NKAIN2: variants seen among roughly 807,000 people sequenced by gnomAD.
The protein encoded by NKAIN2 is sodium/potassium-transporting ATPase subunit beta-1-interacting protein 2.
In NKAIN2, 14 loss-of-function variants were observed where a neutral mutation model predicts 32.6. The ratio of observed to expected loss-of-function variants is 0.43; its 90% CI spans 0.28 to 0.67. The LOEUF (loss-of-function observed/expected upper bound fraction) is 0.67. Ranked by LOEUF, NKAIN2 falls within the 30% of genes least tolerant of loss-of-function variation. NKAIN2 has a pLI of 0.17. For synonymous variants in NKAIN2, 80 were observed against 87.2 expected (o/e 0.92, Z 0.46); for missense variants, 198 against 258.3 (o/e 0.77, Z 1.60).
In NKAIN2 at chr6:124,706,026, A is replaced by C. The variant is rs150097727; in HGVS notation, c.474+47640A>C. ...TGACAACAAAGAGAAGGTTATCATG[A>C]CTATGGCGACCTTGATGATCACAAT... On this transcript the variant is annotated intron_variant, in intron 4 of 6. Coordinates refer to ENST00000368417, the MANE Select transcript of NKAIN2 (RefSeq NM_001040214.3). Among the ~76,000 whole-genome samples the C allele has an allele frequency of 1.7e-4, 26 of 152,190 alleles. No homozygotes were observed. The East Asian group carries it at 4.5e-3, about 26-fold the overall frequency.
chr6:123,959,034 T>C (rs1275673084), intron 1 of NKAIN2, among the ~76,000 whole-genome samples: 1 of 152,166 alleles, frequency 6.6e-6, no homozygotes, highest in Non-Finnish European at 1.5e-5. Context: ...ATTCAAGTTA[T>C]CAGTGTGAGT....
chr6:124,348,354 C>T (rs1394731280), intron 2 of NKAIN2, among the ~76,000 whole-genome samples: 1 of 152,200 alleles, frequency 6.6e-6, no homozygotes, highest in Admixed American at 6.5e-5. Context: ...AACCACTGCT[C>T]TCCTCAAAGC....
At chr6:123,890,005 A>G (rs565674601) in intron 1 of NKAIN2, among the ~76,000 whole-genome samples, 1 of 152,238 alleles carries the variant, frequency 6.6e-6, no homozygotes, top group Admixed American at 6.5e-5. Flanking sequence ...GCATGTGTTC[A>G]GTGAGAAGAA....
At chr6:124,114,092 A>C (rs1310973004) in intron 1 of NKAIN2, among the ~76,000 whole-genome samples, 2 of 152,068 alleles carry the variant, frequency 1.3e-5, no homozygotes, top group Non-Finnish European at 2.9e-5. Flanking sequence ...AAAATGTTTG[A>C]TTTTCAGTCT....
chr6:124,569,244 T>C (rs1781034728), intron 3 of NKAIN2, among the ~76,000 whole-genome samples: 1 of 152,206 alleles, frequency 6.6e-6, no homozygotes, highest in African/African-American at 2.4e-5. Flanking sequence ...TAAAATATCC[T>C]CCTGTTTTAT....
chr6:124,306,921 C>T (rs755572162), intron 2 of NKAIN2, among the ~76,000 whole-genome samples: 25 of 152,180 alleles, frequency 1.6e-4, no homozygotes, highest in Middle Eastern at 3.4e-3. Flanking sequence ...ATTAAGAAAA[C>T]GAGCTTAAAT....
chr6:124,084,641 C>T (rs1407095456), intron 1 of NKAIN2, among the ~76,000 whole-genome samples: 2 of 151,844 alleles, frequency 1.3e-5, no homozygotes, highest in Non-Finnish European at 2.9e-5. Flanking sequence ...TCACTTTATC[C>T]AGGAAAGTCC....
chr6:124,657,648 G>C (rs757051275), intron 3 of NKAIN2, among the ~76,000 whole-genome samples: 1 of 151,986 alleles, frequency 6.6e-6, no homozygotes, highest in Non-Finnish European at 1.5e-5. Flanking sequence ...CCAAATAACA[G>C]GAAGAGGGGG....
At chr6:123,932,536 C>T (rs1215977006) in intron 1 of NKAIN2, among the ~76,000 whole-genome samples, 2 of 151,646 alleles carry the variant, frequency 1.3e-5, no homozygotes, top group Non-Finnish European at 2.9e-5. Flanking sequence ...CCTGCCTCAG[C>T]CTCCTGAGTA....
At position 124,649,471 on chromosome 6, in the gene NKAIN2, T is replaced by C. The variant is rs1055453196; in HGVS notation, c.274-8715T>C. Among the ~76,000 whole-genome samples, 4 of 152,182 alleles carry C rather than the reference T, an allele frequency of 2.6e-5. No individual in the cohort carries two copies. In the South Asian group the frequency reaches 8.3e-4, roughly 32 times the overall value. On this transcript the variant is annotated intron_variant, in intron 3 of 6. Transcript: ENST00000368417. ...TATTAAAAAATTGAATCAGCAATTA[T>C]TAACTTTTTAAAGCAGAAAGCACCA...
chr6:124,172,535 C>T (rs1582788613), intron 1 of NKAIN2, among the ~76,000 whole-genome samples: 1 of 151,944 alleles, frequency 6.6e-6, no homozygotes. Context: ...ATATTGACTG[C>T]AATGATATCA....
intron 1 of NKAIN2, among the ~76,000 whole-genome samples, chr6:124,254,843 A>G (rs1267091054): frequency 1.3e-5 from 2 of 152,330 alleles, no homozygotes; most frequent in East Asian, 3.9e-4. Context: ...ATAACCTAAC[A>G]TATGCTTCAT....
At chr6:124,059,101 A>G (rs1364182905) in intron 1 of NKAIN2, among the ~76,000 whole-genome samples, 1 of 152,134 alleles carries the variant, frequency 6.6e-6, no homozygotes, top group Non-Finnish European at 1.5e-5. Flanking sequence ...TGGTAAAAAA[A>G]AAACTGACAA....
At chr6:123,837,832 T>G (rs1353260071) in intron 1 of NKAIN2, among the ~76,000 whole-genome samples, 1 of 152,200 alleles carries the variant, frequency 6.6e-6, no homozygotes, top group African/African-American at 2.4e-5. Context: ...TTCCATCTTG[T>G]GGAAAGTGAT....
intron 3 of NKAIN2, among the ~76,000 whole-genome samples, chr6:124,395,566 C>A (rs557312341): frequency 2.0e-5 from 3 of 152,196 alleles, no homozygotes; most frequent in South Asian, 2.1e-4. Context: ...TCTCTAATAC[C>A]AGCTGACTTG....
At chr6:124,266,958 T>C (rs924599593) in intron 1 of NKAIN2, among the ~76,000 whole-genome samples, 1 of 151,612 alleles carries the variant, frequency 6.6e-6, no homozygotes, top group Non-Finnish European at 1.5e-5. Flanking sequence ...ATTAGCAAAC[T>C]TGAAGAATTA....
chr6:124,055,907 A>C (rs1201082333), intron 1 of NKAIN2, among the ~76,000 whole-genome samples: 1 of 152,122 alleles, frequency 6.6e-6, no homozygotes, highest in Non-Finnish European at 1.5e-5. Flanking sequence ...GTGAGATTTA[A>C]CTAAAATGGT....
At chr6:124,201,092 C>A (rs941794268) in intron 1 of NKAIN2, among the ~76,000 whole-genome samples, 3 of 151,986 alleles carry the variant, frequency 2.0e-5, no homozygotes, top group African/African-American at 7.2e-5. Context: ...CTAATGTATA[C>A]ATCTACATAA....
rs1488535303 is a variant in NKAIN2 at position 124,342,938 on chromosome 6, A to G, written c.193-12329A>G. 3.3e-5 allele frequency among the ~76,000 whole-genome samples: 5 copies of G among 150,622 alleles called. 1 individual carries two copies. Among genetic ancestry groups the G allele is most frequent in the Admixed American group, 1.3e-4 (2 of 15,096 alleles). On this transcript the variant is annotated intron_variant, in intron 2 of 6. Transcript: ENST00000368417. ...GTTGGTGTGCTGCACCCATTAACTCATCATTTAGCATTAGCTATATCTCCT... is the reference window on the plus strand; with the variant it reads ...GTTGGTGTGCTGCACCCATTAACTCGTCATTTAGCATTAGCTATATCTCCT...
Sources: gnomAD v4.1 joint callset for allele counts (sites outside exome capture counted in the v4.1 genomes callset) on GRCh38, gnomAD v4.1.1 for gene constraint, MANE v1.5 for transcripts, NCBI Gene and HGNC (gene_info 2026-07-23, HGNC 2026-07-21) for gene names.